Variants in PREPL observed in about 807,000 individuals in gnomAD.
The protein encoded by PREPL is prolyl endopeptidase-like.
A neutral mutation model predicts 70.6 loss-of-function variants in PREPL; 77 were observed. That is an observed-to-expected ratio of 1.09 (90% CI 0.91 to 1.32). The LOEUF (loss-of-function observed/expected upper bound fraction) is 1.32, where lower values mean the gene tolerates loss of function less well. Ranked by LOEUF, PREPL falls within the 40% of genes most tolerant of loss-of-function variation. PREPL has a pLI of 0.00. For missense variants in PREPL, 1,002 were observed against 778.2 expected (o/e 1.29, Z -3.42); for synonymous variants, 315 against 264.8 (o/e 1.19, Z -1.84).
intron 7 of PREPL, among the ~76,000 whole-genome samples, 182 bp from the exon 8 acceptor site, chr2:44,332,838 TGTACATTA>T (rs1674258513): frequency 6.6e-6 from 1 of 152,188 alleles, no homozygotes. Context: ...AAAACAAAAC[TGTACATTA>T]ATGACCAATA....
chr2:44,346,455 A>C, intron 1 of PREPL, 65 bp from the exon 2 acceptor site: 1 of 1,471,134 alleles, frequency 6.8e-7, no homozygotes, highest in Non-Finnish European at 9.4e-7. Flanking sequence ...TGCTTTTTAA[A>C]GATAAGTAGG....
intron 8 of PREPL, among the ~76,000 whole-genome samples, chr2:44,330,323 G>A (rs1032147950): frequency 2.0e-5 from 3 of 152,184 alleles, no homozygotes; most frequent in African/African-American, 7.2e-5. Flanking sequence ...AAGGTATAGC[G>A]CTTCCATTCA....
intron 10 of PREPL, among the ~76,000 whole-genome samples, chr2:44,323,895 T>C (rs1317674485): frequency 6.6e-6 from 1 of 152,128 alleles, no homozygotes; most frequent in Non-Finnish European, 1.5e-5. Flanking sequence ...AGCTTAAGAT[T>C]ACCATATGAT....
chr2:44,359,737 T>A (rs1435449315), intron 1 of PREPL: 4 of 1,534,774 alleles, frequency 2.6e-6, no homozygotes, highest in Non-Finnish European at 3.6e-6. Flanking sequence ...CCCTGGTTTA[T>A]GCTCCTTTTG....
At position 44,344,592 on chromosome 2, in the gene PREPL, A is replaced by G; in HGVS notation, c.76-6T>C. On this transcript the variant is annotated splice_polypyrimidine_tract_variant and splice_region_variant and intron_variant, in intron 2 of 13. Transcript: ENST00000409411. ...ACAAAACCACCATGTTTAACCTGACAAAAGAAACATGCAGTTTACTTAATA... is the reference window on the plus strand; with the variant it reads ...ACAAAACCACCATGTTTAACCTGACGAAAGAAACATGCAGTTTACTTAATA... The G allele has an allele frequency of 6.3e-7, 1 of 1,590,562 alleles. No homozygotes were observed. Among genetic ancestry groups the G allele is most frequent in the Non-Finnish European group, 8.6e-7 (1 of 1,167,694 alleles).
At chr2:44,358,040 C>CA (rs1223403361) in intron 1 of PREPL, among the ~76,000 whole-genome samples, 1 of 152,094 alleles carries the variant, frequency 6.6e-6, no homozygotes, top group Admixed American at 6.5e-5. Flanking sequence ...GAGACACACA[C>CA]AACACCTAAA....
At chr2:44,332,812 C>A (rs970668443) in intron 7 of PREPL, among the ~76,000 whole-genome samples, 156 bp from the exon 8 acceptor site, 4 of 152,134 alleles carry the variant, frequency 2.6e-5, no homozygotes, top group East Asian at 3.9e-4. Context: ...ATCACAACAA[C>A]ATACATTTCA....
chr2:44,341,549 T>C (rs1026257876), intron 5 of PREPL, among the ~76,000 whole-genome samples: 5 of 152,094 alleles, frequency 3.3e-5, no homozygotes, highest in African/African-American at 9.7e-5. Context: ...CTTGACCAAA[T>C]AGTTGTTAGA....
Position 44,359,541 on chromosome 2 carries a change from A to T in PREPL, c.-49+1839T>A, listed in dbSNP as rs375878651. On this transcript the variant is annotated intron_variant, in intron 1 of 13. Coordinates refer to ENST00000409411, the MANE Select transcript of PREPL (RefSeq NM_001171613.2). ...CTTGGGATGTTTCTTGCTAACTCTG[A>T]TATCTTGGGTTTATTCTGAAGACAC... 5 of 1,613,494 alleles carry T rather than the reference A, an allele frequency of 3.1e-6. No individual in the cohort carries two copies. The highest frequency in any genetic ancestry group is 2.7e-5 in the African/African-American group (2 of 75,014).
chr2:44,335,426 T>C (rs1407990055), intron 7 of PREPL, among the ~76,000 whole-genome samples: 1 of 152,168 alleles, frequency 6.6e-6, no homozygotes, highest in East Asian at 1.9e-4. Flanking sequence ...ACTGAAATAA[T>C]AATAGATGCT....
intron 5 of PREPL, among the ~76,000 whole-genome samples, chr2:44,341,624 G>A (rs550608622): frequency 6.6e-6 from 1 of 151,450 alleles, no homozygotes; most frequent in Non-Finnish European, 1.5e-5. Flanking sequence ...GAGAATATAC[G>A]AAATATAAAG....
chr2:44,327,811 G>A (rs148949915), intron 9 of PREPL, among the ~76,000 whole-genome samples: 5,669 of 151,544 alleles, frequency 0.037, 339 homozygotes, highest in African/African-American at 0.13. Flanking sequence ...TGCAGTGAGC[G>A]GAGATTGCGC....
At position 44,320,439 on chromosome 2, in the gene PREPL, A is replaced by G. The variant is rs758003140; in HGVS notation, c.*917T>C. The G allele has an allele frequency of 4.3e-6, 7 of 1,614,024 alleles. No homozygotes were observed. The East Asian group carries it at 6.7e-5, about 15-fold the overall frequency. ...TTCGGGCCTTCCCGCTAAAATGAGA[A>G]TAAGGTTAAGTACCAATTCTGCCGA... On this transcript the variant is annotated 3_prime_UTR_variant, in exon 14 of 14. Coordinates refer to ENST00000409411, the MANE Select transcript of PREPL (RefSeq NM_001171613.2).
chr2:44,353,750 C>A (rs1482941104), intron 1 of PREPL, among the ~76,000 whole-genome samples: 2 of 152,054 alleles, frequency 1.3e-5, no homozygotes, highest in Non-Finnish European at 2.9e-5. Context: ...GACACCAAGA[C>A]AATTCAATGG....
intron 7 of PREPL, among the ~76,000 whole-genome samples, chr2:44,338,132 A>G (rs539932735): frequency 6.6e-6 from 1 of 152,342 alleles, no homozygotes; most frequent in East Asian, 1.9e-4. Context: ...CCATGCCATA[A>G]GACACTATCT....
chr2:44,328,213 G>A (rs1479233219), intron 9 of PREPL, among the ~76,000 whole-genome samples: 1 of 145,148 alleles, frequency 6.9e-6, no homozygotes, highest in Non-Finnish European at 1.5e-5. Flanking sequence ...TTGAACCCTG[G>A]CCAAGATCAT....
At chr2:44,357,343 G>C (rs751973711) in intron 1 of PREPL, among the ~76,000 whole-genome samples, 1 of 152,188 alleles carries the variant, frequency 6.6e-6, no homozygotes, top group Admixed American at 6.5e-5. Context: ...GAAATCAGTG[G>C]ATGCTTGCTG....
At chr2:44,357,656 T>A (rs1339142195) in intron 1 of PREPL, among the ~76,000 whole-genome samples, 1 of 152,218 alleles carries the variant, frequency 6.6e-6, no homozygotes, top group Non-Finnish European at 1.5e-5. Flanking sequence ...TAGTCAACCT[T>A]CTGTTTAGAA....
intron 7 of PREPL, among the ~76,000 whole-genome samples, chr2:44,335,998 A>T (rs541157211): frequency 6.6e-6 from 1 of 152,284 alleles, no homozygotes; most frequent in South Asian, 2.1e-4. Context: ...TCTAAACCAC[A>T]ACGAGATACC....
Sources: allele counts gnomAD v4.1 joint callset (sites outside exome capture counted in the v4.1 genomes callset), GRCh38; gene constraint gnomAD v4.1.1; transcripts MANE v1.5; gene names NCBI Gene and HGNC (gene_info 2026-07-23, HGNC 2026-07-21).